The following OR14I1 variants were observed in gnomAD, a reference collection of about 807,000 sequenced individuals.
The protein encoded by OR14I1 is olfactory receptor 14I1.
For missense variants in OR14I1, 279 were observed against 181.8 expected (o/e 1.53, Z -3.07); for synonymous variants, 118 against 71.1 (o/e 1.66, Z -3.32).
the OR14I1 span, among the ~76,000 whole-genome samples, chr1:248,702,760 T>C: frequency 6.6e-6 from 1 of 152,086 alleles, no homozygotes; most frequent in Non-Finnish European, 1.5e-5. Flanking sequence ...CTCCTAGTGC[T>C]CTGCTGCTTG....
At chr1:248,681,922 A>G (rs149030847) in exon 1 of OR14I1, 1 of 781,004 alleles carries the variant, frequency 1.3e-6, no homozygotes, top group Non-Finnish European at 2.4e-6. Flanking sequence ...TCTGTATTGG[A>G]GGGGGTGGCA....
At chr1:248,681,582 G>A in exon 1 of OR14I1, 1 of 780,996 alleles carries the variant, frequency 1.3e-6, no homozygotes, top group South Asian at 1.3e-5. Flanking sequence ...CAATGAGCTG[G>A]GGGGAGCAGG....
chr1:248,684,673 A>G (rs1661613976), upstream of OR14I1, among the ~76,000 whole-genome samples: 1 of 152,026 alleles, frequency 6.6e-6, no homozygotes, highest in African/African-American at 2.4e-5. Context: ...AAACCCCACA[A>G]ACTATTACAC....
At chr1:248,683,754 C>G (rs566765516), upstream of OR14I1, among the ~76,000 whole-genome samples, 1 of 152,362 alleles carries the variant, frequency 6.6e-6, no homozygotes, top group African/African-American at 2.4e-5. Flanking sequence ...GCACTCTTGG[C>G]AAAGCGCGGT....
upstream of OR14I1, among the ~76,000 whole-genome samples, chr1:248,684,265 TA>T (rs994159110): frequency 1.2e-4 from 19 of 152,344 alleles, no homozygotes; most frequent in African/African-American, 4.6e-4. Context: ...AAATGCAAAT[TA>T]AAACTTTAAC....
At chr1:248,681,883 T>C in exon 1 of OR14I1, 1 of 781,048 alleles carries the variant, frequency 1.3e-6, no homozygotes, top group Non-Finnish European at 2.4e-6. Flanking sequence ...GACTGCCATC[T>C]GATAGCACCC....
the OR14I1 span, among the ~76,000 whole-genome samples, chr1:248,700,050 G>A: frequency 1.4e-4 from 22 of 152,150 alleles, no homozygotes; most frequent in Non-Finnish European, 2.2e-4. Flanking sequence ...CTGAGCCACC[G>A]CGTCCGGCCC....
the OR14I1 span, among the ~76,000 whole-genome samples, chr1:248,699,312 A>T: frequency 6.6e-6 from 1 of 152,218 alleles, no homozygotes; most frequent in Non-Finnish European, 1.5e-5. Context: ...CTGAGAAAGC[A>T]ATTTAAGAAG....
chr1:248,691,471 A>C, the OR14I1 span, among the ~76,000 whole-genome samples: 12 of 152,350 alleles, frequency 7.9e-5, no homozygotes, highest in African/African-American at 2.9e-4. Context: ...TTCCTCAAAA[A>C]TGCTTAGACT....
At chr1:248,693,274 C>T in the OR14I1 span, among the ~76,000 whole-genome samples, 1 of 152,172 alleles carries the variant, frequency 6.6e-6, no homozygotes, top group Admixed American at 6.5e-5. Context: ...TGTACTGATT[C>T]ACGGCCAGGA....
exon 1 of OR14I1, chr1:248,681,497 A>G (rs754708397): frequency 2.6e-6 from 2 of 781,034 alleles, no homozygotes; most frequent in East Asian, 4.8e-5. Flanking sequence ...GCAATCACTA[A>G]ATCCTGAATG....
chr1:248,684,972 T>G (rs180837726), upstream of OR14I1, among the ~76,000 whole-genome samples: 221 of 152,268 alleles, frequency 1.5e-3, 1 homozygote, highest in African/African-American at 5.1e-3. Context: ...TTCTTAAAAA[T>G]CATTTGTTAT....
At chr1:248,686,886 C>G (rs1388716522), upstream of OR14I1, among the ~76,000 whole-genome samples, 1 of 152,184 alleles carries the variant, frequency 6.6e-6, no homozygotes, top group Non-Finnish European at 1.5e-5. Flanking sequence ...ATTTAACATG[C>G]AAACTCAGTG....
At chr1:248,697,914 C>A in the OR14I1 span, among the ~76,000 whole-genome samples, 1 of 152,152 alleles carries the variant, frequency 6.6e-6, no homozygotes, top group Non-Finnish European at 1.5e-5. Flanking sequence ...AAAAAGATTG[C>A]AAATTATATT....
the OR14I1 span, among the ~76,000 whole-genome samples, chr1:248,695,758 C>T: frequency 1.3e-5 from 2 of 152,146 alleles, no homozygotes; most frequent in Non-Finnish European, 2.9e-5. Flanking sequence ...GGGCCAGCTG[C>T]CCTCACATTT....
chr1:248,700,489 G>T, the OR14I1 span, among the ~76,000 whole-genome samples: 12 of 152,324 alleles, frequency 7.9e-5, no homozygotes, highest in Non-Finnish European at 1.6e-4. Flanking sequence ...AATTTATGGA[G>T]AAATGTCATT....
At chr1:248,681,909 G>A (rs758593808) in exon 1 of OR14I1, 77 of 780,886 alleles carry the variant, frequency 9.9e-5, no homozygotes, top group Middle Eastern at 2.2e-4. Context: ...ATGTCATCAC[G>A]GCTCTGTATT....
chr1:248,682,707 T>C (rs903543746), upstream of OR14I1, among the ~76,000 whole-genome samples: 2 of 152,194 alleles, frequency 1.3e-5, no homozygotes, highest in Non-Finnish European at 2.9e-5. Flanking sequence ...TCATACAAGT[T>C]TCTGGGTGAT....
chr1:248,678,373 A>G (rs895555838), downstream of OR14I1, among the ~76,000 whole-genome samples: 2 of 152,234 alleles, frequency 1.3e-5, no homozygotes, highest in Non-Finnish European at 2.9e-5. Context: ...TTCACAGATC[A>G]TTAAATAAAC....
Sources: gnomAD v4.1 joint callset for allele counts (sites outside exome capture counted in the v4.1 genomes callset) on GRCh38, gnomAD v4.1.1 for gene constraint, MANE v1.5 for transcripts, NCBI Gene and HGNC (gene_info 2026-07-23, HGNC 2026-07-21) for gene names.